The following RABEP1 variants were observed in gnomAD, a reference collection of about 807,000 sequenced individuals.
RABEP1 encodes rabaptin, RAB GTPase binding effector protein 1.
Under a neutral mutation model 123.4 loss-of-function variants are expected in RABEP1, and 51 were observed. The observed-to-expected ratio is 0.41, with a 90% CI of 0.33 to 0.52. RABEP1 has a LOEUF of 0.52. RABEP1 is among the 20% of genes least tolerant of loss of function. The pLI is 0.16. For missense variants in RABEP1, 888 were observed against 996.3 expected, an observed-to-expected ratio of 0.89 and a Z score of 1.46; for synonymous variants, 347 against 355.2, an observed-to-expected ratio of 0.98 and a Z score of 0.26.
Position 5,384,634 on chromosome 17 carries a change from T to C in RABEP1, c.*1411T>C, listed in dbSNP as rs1567560490. ...AGATCTTCTGTACTTCTGTCTTCCA[T>C]AGGACAAATGATAAGTACTACATAC... On this transcript the variant is annotated 3_prime_UTR_variant, in exon 18 of 18. Coordinates refer to ENST00000537505, the MANE Select transcript of RABEP1 (RefSeq NM_004703.6). 9.4e-6 allele frequency: 2 copies of C among 213,418 alleles called. No homozygotes were observed. Among genetic ancestry groups the C allele is most frequent in the Non-Finnish European group, 9.4e-6 (1 of 105,844 alleles). The allele number at this position is 213,418 out of a possible 1,614,324, so 13.2% of individuals were successfully genotyped here.
rs1338947549 is a variant in RABEP1 at position 5,322,841 on chromosome 17, G to A, written c.164-9108G>A. Among the ~76,000 whole-genome samples the A allele has an allele frequency of 6.6e-5, 10 of 152,190 alleles. No homozygotes were observed. The East Asian group carries it at 7.7e-4, about 12-fold the overall frequency. The stretch of plus-strand genomic sequence containing the variant: ...TGTAATCCCAACACTTTGGGAGGCC[G>A]AGGCGGGTGGATCACTTGAGGCCAG... On this transcript the variant is annotated intron_variant, in intron 2 of 17. Transcript: ENST00000537505.
At chr17:5,316,860 A>G (rs1054454467) in intron 2 of RABEP1, among the ~76,000 whole-genome samples, 6 of 149,872 alleles carry the variant, frequency 4.0e-5, no homozygotes, top group Non-Finnish European at 8.9e-5. Context: ...AAAAAAATAT[A>G]AGAAACAATA....
At chr17:5,303,920 C>T (rs1428123919) in intron 1 of RABEP1, among the ~76,000 whole-genome samples, 7 of 151,600 alleles carry the variant, frequency 4.6e-5, no homozygotes, top group Admixed American at 6.6e-5. Context: ...GTAATCTCAG[C>T]GACTTGGGAG....
rs774267253 is a variant in RABEP1, at chr17:5,332,134, C to T, written c.349C>T (p.Leu117Phe). Residue 117 changes from leucine to phenylalanine, a missense_variant, in exon 3 of 18, where the codon CTT becomes TTT. Leu to Phe is a conservative substitution (Grantham distance 22). Transcript: ENST00000537505. Reference sequence around the variant, plus strand: ...ACAGTGGAGAGAAGAAGTTGCTTCACTTCAGGCTGTTATGAAAGGTAAAGA... The same window carrying T: ...ACAGTGGAGAGAAGAAGTTGCTTCATTTCAGGCTGTTATGAAAGGTAAAGA... ...KRQWREEVAS[L>F]QAVMKETVRD... is the part of the protein sequence containing the mutation. 1 of 1,613,944 alleles carries T rather than the reference C, an allele frequency of 6.2e-7. No individual in the cohort carries two copies. The highest frequency in any genetic ancestry group is 8.5e-7 in the Non-Finnish European group (1 of 1,179,998).
intron 2 of RABEP1, among the ~76,000 whole-genome samples, chr17:5,322,886 C>T (rs1260562762): frequency 5.3e-5 from 8 of 152,198 alleles, no homozygotes; most frequent in Admixed American, 3.9e-4. Flanking sequence ...ACCAGCCTGG[C>T]CAACATGGTG....
chr17:5,308,058 A>G lies in RABEP1; in HGVS notation c.35-636A>G, dbSNP rs530838329. ...GTTCATTTGTGGGATAAGTAGTTCA[A>G]ATAATCCAATATTTAACAGTTCTAA... On this transcript the variant is annotated intron_variant, in intron 1 of 17. Coordinates refer to ENST00000537505, the MANE Select transcript of RABEP1 (RefSeq NM_004703.6). Among the ~76,000 whole-genome samples the G allele has an allele frequency of 4.6e-5, 7 of 152,308 alleles. No homozygotes were observed. The South Asian group carries it at 1.5e-3, about 32-fold the overall frequency.
chr17:5,309,654 C>CAAA (rs111398404), intron 2 of RABEP1, among the ~76,000 whole-genome samples: 3 of 68,316 alleles, frequency 4.4e-5, no homozygotes. Flanking sequence ...ACTCCCATCT[C>CAAA]AAAAAAAAAA....
At chr17:5,295,491 A>AT (rs79213106) in intron 1 of RABEP1, among the ~76,000 whole-genome samples, 18,956 of 151,564 alleles carry the variant, frequency 0.13, 1,948 homozygotes, top group East Asian at 0.49. Flanking sequence ...TATTGTTTTT[A>AT]TTTTTTTCTA....
chr17:5,350,236 C>T (rs1371854366), intron 6 of RABEP1, among the ~76,000 whole-genome samples: 1 of 152,020 alleles, frequency 6.6e-6, no homozygotes, highest in African/African-American at 2.4e-5. Context: ...AAAAATTAGC[C>T]GGGCATGGTG....
At chr17:5,314,984 G>A (rs1275095540) in intron 2 of RABEP1, among the ~76,000 whole-genome samples, 1 of 152,190 alleles carries the variant, frequency 6.6e-6, no homozygotes. Flanking sequence ...AGAACAAAAG[G>A]CCATATAGTT....
chr17:5,343,834 C>G (rs1430104793), intron 5 of RABEP1, among the ~76,000 whole-genome samples: 2 of 151,704 alleles, frequency 1.3e-5, no homozygotes, highest in African/African-American at 4.8e-5. Flanking sequence ...CACCACTGCA[C>G]CTGGCTAATT....
Position 5,385,577 on chromosome 17 carries a change from G to A in RABEP1, c.*2354G>A, listed in dbSNP as rs1392024642. The A allele has an allele frequency of 4.3e-6, 1 of 230,846 alleles. No individual in the cohort carries two copies. 14.3% of individuals were successfully genotyped at this position (230,846 alleles called of 1,614,324 possible). A position where few individuals can be genotyped will look rare whatever the true frequency, so the allele number is the denominator to read the frequency against. ...TAACCTATTTTTTTCTCCCTTTAAG[G>A]TGCTAAACTTGCACCTCATGTCCAC... On this transcript the variant is annotated 3_prime_UTR_variant, in exon 18 of 18. Coordinates refer to ENST00000537505, the MANE Select transcript of RABEP1 (RefSeq NM_004703.6).
At chr17:5,298,366 GGT>G (rs1233952823) in intron 1 of RABEP1, among the ~76,000 whole-genome samples, 4 of 152,006 alleles carry the variant, frequency 2.6e-5, no homozygotes, top group Non-Finnish European at 5.9e-5. Context: ...GGTTCTAAGA[GGT>G]GTTTTTTGTT....
chr17:5,347,651 C>G (rs1241770049), intron 6 of RABEP1, among the ~76,000 whole-genome samples: 1 of 152,160 alleles, frequency 6.6e-6, no homozygotes, highest in East Asian at 1.9e-4. Context: ...AGTCTGGTAG[C>G]TCAGTGATAC....
chr17:5,378,282 C>A, intron 15 of RABEP1, 50 bp downstream of exon 15: 1 of 1,431,944 alleles, frequency 7.0e-7, no homozygotes, highest in Non-Finnish European at 9.9e-7. Context: ...TGGTTATTTA[C>A]TGACTCCTAC....
rs1911735866 is a variant in RABEP1 at position 5,384,072 on chromosome 17, A to T, written c.*849A>T. The stretch of plus-strand genomic sequence containing the variant: ...GTGAAAAACATTAGTATACGTTTTT[A>T]AATAGGCTAATTTTTCAACTTGGAT... On this transcript the variant is annotated 3_prime_UTR_variant, in exon 18 of 18. Coordinates refer to ENST00000537505, the MANE Select transcript of RABEP1 (RefSeq NM_004703.6). 1 of 215,794 alleles carries T rather than the reference A, an allele frequency of 4.6e-6. No individual in the cohort carries two copies. Among genetic ancestry groups the T allele is most frequent in the African/African-American group, 2.3e-5 (1 of 44,432 alleles). The allele number at this position is 215,794 out of a possible 1,614,324, so 13.4% of individuals were successfully genotyped here.
intron 2 of RABEP1, among the ~76,000 whole-genome samples, chr17:5,312,992 C>T (rs76755142): frequency 0.015 from 2,281 of 152,094 alleles, 62 homozygotes; most frequent in African/African-American, 0.052. Flanking sequence ...TGCCTGTAGT[C>T]CCAGCTACTT....
Position 5,361,496 on chromosome 17 carries a change from A to G in RABEP1, c.1384A>G (p.Met462Val), listed in dbSNP as rs756060535. The G allele has an allele frequency of 1.2e-6, 2 of 1,614,232 alleles. No individual in the cohort carries two copies. Among genetic ancestry groups the G allele is most frequent in the Non-Finnish European group, 1.7e-6 (2 of 1,180,034 alleles). ...FDTASLGSLQ[M>V]PSGFMLTKDQ... ...TACTGCATCCCTTGGGTCACTCCAG[A>G]TGCCAAGTGGGTTTATGTTAACCAA... The change falls in exon 9 of 18, where the codon ATG becomes GTG. Residue 462 changes from methionine (M) to valine (V), a missense_variant. Met to Val is a conservative substitution (Grantham distance 21). Transcript: ENST00000537505.
intron 11 of RABEP1, among the ~76,000 whole-genome samples, chr17:5,367,314 C>T (rs1910089638): frequency 6.6e-6 from 1 of 151,736 alleles, no homozygotes. Flanking sequence ...CTGTGTCGCC[C>T]AGGCTAGAGT....
Sources: allele counts gnomAD v4.1 joint callset (sites outside exome capture counted in the v4.1 genomes callset), GRCh38; gene constraint gnomAD v4.1.1; transcripts MANE v1.5; gene names NCBI Gene and HGNC (gene_info 2026-07-23, HGNC 2026-07-21).